MECOM: variants seen among roughly 807,000 people sequenced by gnomAD.
MECOM encodes histone-lysine N-methyltransferase MECOM.
A neutral mutation model predicts 116.3 loss-of-function variants in MECOM; 13 were observed. The ratio of observed to expected loss-of-function variants is 0.11; its 90% CI spans 0.07 to 0.18. MECOM has a LOEUF of 0.18. MECOM is among the 10% of genes least tolerant of loss of function. The probability of loss-of-function intolerance (pLI) is 1.00; values close to 1 mark genes in which losing one functional copy is unlikely to be tolerated. For synonymous variants in MECOM, 528 were observed against 535.2 expected, an observed-to-expected ratio of 0.99 and a Z score of 0.19; for missense variants, 1,299 against 1,509.0, an observed-to-expected ratio of 0.86 and a Z score of 2.31.
At chr3:169,226,104 C>T (rs1173126883) in intron 2 of MECOM, among the ~76,000 whole-genome samples, 1 of 152,206 alleles carries the variant, frequency 6.6e-6, no homozygotes, top group African/African-American at 2.4e-5. Flanking sequence ...TCTTGCCTAA[C>T]CTAGATGGTC....
intron 1 of MECOM, among the ~76,000 whole-genome samples, chr3:169,513,032 A>C (rs969762612): frequency 6.6e-6 from 1 of 152,248 alleles, no homozygotes; most frequent in Admixed American, 6.5e-5. Flanking sequence ...TTATATAAAA[A>C]TGTCAAGTAG....
At chr3:169,527,450 A>G (rs991361496) in intron 1 of MECOM, among the ~76,000 whole-genome samples, 2 of 152,220 alleles carry the variant, frequency 1.3e-5, no homozygotes, top group African/African-American at 2.4e-5. Context: ...ATGCATCACT[A>G]TGGACTACTT....
rs541251861 is a variant in MECOM at position 169,416,601 on chromosome 3, T to A, written c.38-35077A>T. ...AATGAATCCAGGAGCTGTTTTTTTT[T>A]AAAAAAGGATGAACAAAATCAATAG... is the stretch of plus-strand genomic sequence containing the variant. On this transcript the variant is annotated intron_variant, in intron 1 of 16. Transcript: ENST00000651503. Among the ~76,000 whole-genome samples the A allele has an allele frequency of 1.7e-3, 249 of 150,772 alleles. 1 individual carries two copies. The highest frequency in any genetic ancestry group is 7.3e-3 in the South Asian group (35 of 4,788).
chr3:169,138,848 T>G (rs1292090346), intron 3 of MECOM, among the ~76,000 whole-genome samples: 1 of 151,906 alleles, frequency 6.6e-6, no homozygotes, highest in Admixed American at 6.6e-5. Context: ...GGAAAGTGGA[T>G]TTTTTTTCAT....
intron 1 of MECOM, among the ~76,000 whole-genome samples, chr3:169,655,238 T>C (rs977224089): frequency 4.6e-5 from 7 of 152,058 alleles, no homozygotes; most frequent in African/African-American, 9.7e-5. Flanking sequence ...TGTTCTGAAA[T>C]ACAAAGGCTG....
intron 2 of MECOM, among the ~76,000 whole-genome samples, chr3:169,334,557 G>T (rs899654247): frequency 2.1e-4 from 32 of 152,026 alleles, no homozygotes; most frequent in African/African-American, 7.7e-4. Context: ...GACGGAGAAC[G>T]CTGGTTGATG....
intron 2 of MECOM, among the ~76,000 whole-genome samples, chr3:169,191,350 C>T (rs1260841513): frequency 6.8e-6 from 1 of 146,002 alleles, no homozygotes; most frequent in Admixed American, 6.8e-5. Flanking sequence ...GAGCACCTGC[C>T]TGGACCAGGG....
At chr3:169,104,934 T>G (rs1404887206) in intron 10 of MECOM, among the ~76,000 whole-genome samples, 1 of 152,092 alleles carries the variant, frequency 6.6e-6, no homozygotes, top group African/African-American at 2.4e-5. Flanking sequence ...ATGACATTCT[T>G]AAAGGTAATA....
At chr3:169,166,370 C>G (rs1175340490) in intron 2 of MECOM, among the ~76,000 whole-genome samples, 1 of 151,842 alleles carries the variant, frequency 6.6e-6, no homozygotes, top group African/African-American at 2.4e-5. Context: ...GGCTCATTAT[C>G]TGAATTGTCT....
chr3:169,555,230 A>T (rs1453246169), intron 1 of MECOM, among the ~76,000 whole-genome samples: 1 of 152,212 alleles, frequency 6.6e-6, no homozygotes, highest in Non-Finnish European at 1.5e-5. Context: ...CATTCATTCA[A>T]CATTATTATT....
chr3:169,107,994 G>A lies in MECOM; in HGVS notation c.2578-42C>T, dbSNP rs185352565. 88 of 1,570,150 alleles carry A rather than the reference G, an allele frequency of 5.6e-5. 1 individual carries two copies. In the African/African-American group the frequency reaches 1.0e-3, roughly 19 times the overall value. Reference sequence around the variant, plus strand: ...AACAAAAACAAAAAATTACTTCTGTGTTGGTATCTTTATTGCAATCTATCC... The same window carrying A: ...AACAAAAACAAAAAATTACTTCTGTATTGGTATCTTTATTGCAATCTATCC... On this transcript the variant is annotated intron_variant, in intron 9 of 16. Coordinates refer to ENST00000651503, the MANE Select transcript of MECOM (RefSeq NM_004991.4).
intron 2 of MECOM, among the ~76,000 whole-genome samples, chr3:169,221,310 A>G (rs1011997305): frequency 6.6e-6 from 1 of 152,234 alleles, no homozygotes; most frequent in Non-Finnish European, 1.5e-5. Flanking sequence ...GGCTAACATT[A>G]GATAACAGTC....
At chr3:169,514,430 A>G (rs1756376707) in intron 1 of MECOM, among the ~76,000 whole-genome samples, 1 of 152,196 alleles carries the variant, frequency 6.6e-6, no homozygotes, top group African/African-American at 2.4e-5. Flanking sequence ...TTTTTGGTCT[A>G]TAAGGAGTTG....
chr3:169,491,865 T>C (rs893160293), intron 1 of MECOM, among the ~76,000 whole-genome samples: 2 of 152,236 alleles, frequency 1.3e-5, no homozygotes, highest in Non-Finnish European at 2.9e-5. Context: ...CACATTCATC[T>C]ATTGCCAATT....
In MECOM at chr3:169,295,576, CT is replaced by C. The variant is rs553915794; in HGVS notation, c.375+85610del. Among the ~76,000 whole-genome samples the C allele has an allele frequency of 2.1e-4, 32 of 152,222 alleles. No individual in the cohort carries two copies. The South Asian group carries it at 5.8e-3, about 28-fold the overall frequency. On this transcript the variant is annotated intron_variant, in intron 2 of 16. Transcript: ENST00000651503. ...CTTGTAGAAAACATTTCCATTATGC[CT>C]TTAAAACAACATTGCAAGAAGGTAA...
rs1482611268 is a variant in MECOM at position 169,192,122 on chromosome 3, A to G, written c.376-48290T>C. Among the ~76,000 whole-genome samples the G allele has an allele frequency of 3.3e-5, 5 of 152,074 alleles. No homozygotes were observed. The East Asian group carries it at 9.7e-4, about 29-fold the overall frequency. On this transcript the variant is annotated intron_variant, in intron 2 of 16. Transcript: ENST00000651503. ...TGCATAGGTTTGAGGATCACAGCCAACAGTTTATTATAAGTCTGGAATGAA... is the reference window on the plus strand; with the variant it reads ...TGCATAGGTTTGAGGATCACAGCCAGCAGTTTATTATAAGTCTGGAATGAA...
At chr3:169,180,824 T>C (rs1335599429) in intron 2 of MECOM, among the ~76,000 whole-genome samples, 1 of 146,670 alleles carries the variant, frequency 6.8e-6, no homozygotes, top group Non-Finnish European at 1.5e-5. Flanking sequence ...TCAGGCTGTG[T>C]GTATCAAAAG....
chr3:169,248,732 G>A (rs1178732665), intron 2 of MECOM, among the ~76,000 whole-genome samples: 16 of 152,274 alleles, frequency 1.1e-4, no homozygotes, highest in Non-Finnish European at 1.8e-4. Flanking sequence ...TCTAAGAAGA[G>A]AAATGTTGGA....
intron 3 of MECOM, among the ~76,000 whole-genome samples, chr3:169,142,984 G>A (rs145274271): frequency 5.9e-4 from 89 of 151,896 alleles, no homozygotes; most frequent in Non-Finnish European, 7.2e-4. Context: ...TGAATTTCTT[G>A]TTATTTTAGG....
Sources: allele counts gnomAD v4.1 joint callset (sites outside exome capture counted in the v4.1 genomes callset), GRCh38; gene constraint gnomAD v4.1.1; transcripts MANE v1.5; gene names NCBI Gene and HGNC (gene_info 2026-07-23, HGNC 2026-07-21).